The following CENPN variants were observed in gnomAD, a reference collection of about 807,000 sequenced individuals.
CENPN encodes the protein interphase centromere complex protein 32.
In CENPN, 36 loss-of-function variants were observed where a neutral mutation model predicts 48.6. That is an observed-to-expected ratio of 0.74 (90% CI 0.57 to 0.98). The LOEUF (loss-of-function observed/expected upper bound fraction) is 0.98, where lower values mean the gene tolerates loss of function less well. CENPN is among the 50% of genes least tolerant of loss of function. The probability of loss-of-function intolerance (pLI) is 0.00; values close to 1 mark genes in which losing one functional copy is unlikely to be tolerated. For missense variants in CENPN, 439 were observed against 399.2 expected (o/e 1.10, Z -0.85); for synonymous variants, 166 against 135.2 (o/e 1.23, Z -1.58).
rs1221614845 is a variant in CENPN at position 81,020,133 on chromosome 16, G to A, written c.388G>A (p.Ala130Thr). Reference sequence around the variant, plus strand: ...CAGCTTCAGAGAAACTGAGGAGAATGCAGTCTGGATTCGAATTGCCTGGGG... The same window carrying A: ...CAGCTTCAGAGAAACTGAGGAGAATACAGTCTGGATTCGAATTGCCTGGGG... ...TVSFRETEEN[A>T]VWIRIAWGTQ... is the part of the protein sequence containing the mutation. Residue 130 changes from alanine to threonine, a missense_variant, in exon 6 of 11, where the codon GCA becomes ACA. Coordinates refer to ENST00000305850, the MANE Select transcript of CENPN (RefSeq NM_001100624.3). 1.2e-6 allele frequency: 2 copies of A among 1,612,526 alleles called. No individual in the cohort carries two copies. Among genetic ancestry groups the A allele is most frequent in the Non-Finnish European group, 1.7e-6 (2 of 1,179,642 alleles).
chr16:81,027,273 T>A (rs1172123185), intron 9 of CENPN, among the ~76,000 whole-genome samples: 2 of 152,118 alleles, frequency 1.3e-5, no homozygotes, highest in Non-Finnish European at 2.9e-5. Flanking sequence ...GGCGGATCCC[T>A]TGAACCCAGG....
chr16:81,015,497 T>C (rs1212107358), intron 3 of CENPN, among the ~76,000 whole-genome samples: 1 of 152,278 alleles, frequency 6.6e-6, no homozygotes, highest in Non-Finnish European at 1.5e-5. Flanking sequence ...ATTAACTAAT[T>C]GCAATCATTA....
downstream of CENPN, chr16:81,032,483 C>A: frequency 7.3e-7 from 1 of 1,372,252 alleles, no homozygotes; most frequent in Non-Finnish European, 9.9e-7. Context: ...CTCCCCTCCC[C>A]ACCAGGCACG....
chr16:81,015,492 C>G (rs576680782), intron 3 of CENPN, among the ~76,000 whole-genome samples: 1 of 152,232 alleles, frequency 6.6e-6, no homozygotes, highest in East Asian at 1.9e-4. Flanking sequence ...CTGGTATTAA[C>G]TAATTGCAAT....
chr16:81,017,729 TTTTC>T (rs751330578), intron 4 of CENPN, 25 bp from the exon 5 acceptor site: 3 of 1,504,688 alleles, frequency 2.0e-6, no homozygotes, highest in African/African-American at 1.4e-5. Context: ...CTCCCTTGAT[TTTTC>T]TTTATTTTTT....
chr16:81,008,681 TC>T (rs1032297173), intron 1 of CENPN, among the ~76,000 whole-genome samples: 28 of 152,302 alleles, frequency 1.8e-4, no homozygotes, highest in African/African-American at 6.7e-4. Context: ...ATTTGATGTT[TC>T]ACTGACTGTT....
At chr16:81,011,819 C>A in intron 1 of CENPN, 111 bp from the exon 2 acceptor site, 1 of 870,958 alleles carries the variant, frequency 1.1e-6, no homozygotes, top group Non-Finnish European at 1.7e-6. Flanking sequence ...CGTGGGCAAT[C>A]TAGTGAGACC....
intron 1 of CENPN, among the ~76,000 whole-genome samples, chr16:81,008,423 G>T (rs2602423): frequency 0.66 from 99,572 of 151,714 alleles, 34,273 homozygotes; most frequent in Middle Eastern, 0.8. Context: ...CCATGTTGGA[G>T]GGCAGTGGCA....
chr16:81,008,337 A>C (rs1025334161), intron 1 of CENPN, among the ~76,000 whole-genome samples: 1 of 152,036 alleles, frequency 6.6e-6, no homozygotes, highest in Non-Finnish European at 1.5e-5. Context: ...AGGAATCTTC[A>C]TTTTAACGGG....
At chr16:81,032,537 A>G (rs572459257), downstream of CENPN, 5 of 1,550,864 alleles carry the variant, frequency 3.2e-6, no homozygotes, top group East Asian at 7.0e-5. Flanking sequence ...TCCGTCTTTT[A>G]TCAGTTGATT....
Position 81,028,985 on chromosome 16 carries a change from T to C in CENPN, c.*334T>C. 9.9e-7 allele frequency: 1 copy of C among 1,006,292 alleles called. No individual in the cohort carries two copies. The highest frequency in any genetic ancestry group is 1.2e-6 in the Non-Finnish European group (1 of 844,162). 62.3% of individuals were successfully genotyped at this position (1,006,292 alleles called of 1,614,324 possible). On this transcript the variant is annotated 3_prime_UTR_variant, in exon 11 of 11. Transcript: ENST00000305850. ...ACTTTTGGGTTTGTGTCCTTTTTTC[T>C]ATGGCTGTCTCTTCTCAATTCTGGA...
At chr16:81,009,534 C>T (rs1353581453) in intron 1 of CENPN, among the ~76,000 whole-genome samples, 3 of 152,132 alleles carry the variant, frequency 2.0e-5, no homozygotes, top group Non-Finnish European at 4.4e-5. Flanking sequence ...GAAACAAATC[C>T]GACTCCTGTT....
chr16:81,024,032 G>C (rs1460632420), intron 7 of CENPN: 1 of 152,228 alleles, frequency 6.6e-6, no homozygotes, highest in African/African-American at 2.4e-5. Flanking sequence ...AGTGAGTGGA[G>C]ATAGTGCCAC....
chr16:81,017,905 T>G (rs957538184), intron 5 of CENPN, 71 bp downstream of exon 5: 1 of 880,014 alleles, frequency 1.1e-6, no homozygotes, highest in Non-Finnish European at 1.8e-6. Flanking sequence ...TTTGCTACTA[T>G]CATAGTTTTT....
chr16:81,024,936 A>T (rs1019879964), intron 8 of CENPN, among the ~76,000 whole-genome samples, 158 bp downstream of exon 8: 1 of 152,268 alleles, frequency 6.6e-6, no homozygotes, highest in African/African-American at 2.4e-5. Context: ...AGGAAAGCTA[A>T]TCTACCATAG....
At chr16:81,027,132 A>T (rs1337126206) in intron 9 of CENPN, among the ~76,000 whole-genome samples, 1 of 152,134 alleles carries the variant, frequency 6.6e-6, no homozygotes, top group Non-Finnish European at 1.5e-5. Context: ...GGTGATGTGC[A>T]CATGGGGCTC....
intron 6 of CENPN, among the ~76,000 whole-genome samples, chr16:81,021,218 C>T (rs903847522): frequency 6.6e-6 from 1 of 152,162 alleles, no homozygotes; most frequent in Non-Finnish European, 1.5e-5. Flanking sequence ...ATTTCTCCCA[C>T]ATTCCATACA....
intron 7 of CENPN, 87 bp downstream of exon 7, chr16:81,022,785 C>G (rs760201501): frequency 1.2e-6 from 2 of 1,613,858 alleles, no homozygotes; most frequent in Admixed American, 3.3e-5. Flanking sequence ...AATCTACCTC[C>G]GACAAGAGGA....
chr16:81,032,884 C>T (rs139868759), downstream of CENPN: 178 of 530,404 alleles, frequency 3.4e-4, 1 homozygote, highest in Middle Eastern at 0.011. Context: ...GGACATAACA[C>T]TCTAGACACA....
Sources: allele counts gnomAD v4.1 joint callset (sites outside exome capture counted in the v4.1 genomes callset), GRCh38; gene constraint gnomAD v4.1.1; transcripts MANE v1.5; gene names NCBI Gene and HGNC (gene_info 2026-07-23, HGNC 2026-07-21).